The following KNL1 variants were observed in gnomAD, a reference collection of about 807,000 sequenced individuals.
KNL1 encodes the protein kinetochore scaffold 1, also known as outer kinetochore KNL1 complex subunit KNL1.
KNL1 carries 66 observed loss-of-function variants against 201.3 expected under a neutral mutation model. The ratio of observed to expected loss-of-function variants is 0.33; its 90% CI spans 0.27 to 0.40. KNL1 has a LOEUF of 0.40. Among genes scored for constraint, KNL1 ranks in the 10% least tolerant of loss-of-function variants. KNL1 has a pLI of 1.00. For synonymous variants in KNL1, 895 were observed against 899.2 expected, an observed-to-expected ratio of 1.00 and a Z score of 0.08; for missense variants, 2,815 against 2,690.5, an observed-to-expected ratio of 1.05 and a Z score of -1.02.
intron 8 of KNL1, among the ~76,000 whole-genome samples, 188 bp from the exon 9 acceptor site, chr15:40,618,769 AAC>A (rs1257009421): frequency 6.6e-6 from 1 of 152,220 alleles, no homozygotes; most frequent in Non-Finnish European, 1.5e-5. Flanking sequence ...TATCACATGT[AAC>A]ACAAAAATAT....
intron 12 of KNL1, among the ~76,000 whole-genome samples, chr15:40,628,939 A>G (rs1245339329): frequency 6.6e-6 from 1 of 152,124 alleles, no homozygotes; most frequent in African/African-American, 2.4e-5. Flanking sequence ...TGCCTGAGGG[A>G]AGAGAATCAC....
At chr15:40,611,693 G>A (rs541847996) in intron 7 of KNL1, among the ~76,000 whole-genome samples, 182 bp downstream of exon 7, 1 of 151,596 alleles carries the variant, frequency 6.6e-6, no homozygotes, top group South Asian at 2.1e-4. Context: ...TAATAGTGAT[G>A]AAACAATATA....
chr15:40,599,978 C>G (rs1251248565), intron 1 of KNL1, among the ~76,000 whole-genome samples: 1 of 151,302 alleles, frequency 6.6e-6, no homozygotes, highest in Non-Finnish European at 1.5e-5. Flanking sequence ...ATCTGCCCAC[C>G]CAATTTTGCA....
intron 14 of KNL1, among the ~76,000 whole-genome samples, chr15:40,644,297 A>G (rs959413733): frequency 3.9e-5 from 6 of 152,380 alleles, no homozygotes; most frequent in African/African-American, 1.2e-4. Context: ...CTCTCCACTC[A>G]AACATCTCAG....
intron 17 of KNL1, among the ~76,000 whole-genome samples, chr15:40,648,829 CTTTT>C (rs35251316): frequency 8.7e-5 from 9 of 103,278 alleles, no homozygotes; most frequent in Admixed American, 1.9e-4. Context: ...ACTTAACTTT[CTTTT>C]TTTTTTTTTT....
chr15:40,622,666 T>C lies in KNL1; in HGVS notation c.2402T>C (p.Ile801Thr), dbSNP rs1472048043. ...CAGCTAACAACAATGAACAGACAGA[T>C]AGCTGTAAAAGTTGAAAAATGTGGT... ...TGQLTTMNRQ[I>T]AVKVEKCGKS... Residue 801 changes from isoleucine to threonine, a missense_variant, in exon 10 of 26, where the codon ATA (isoleucine) becomes ACA (threonine). Transcript: ENST00000399668. 6.3e-7 allele frequency: 1 copy of C among 1,591,356 alleles called. No individual in the cohort carries two copies. Among genetic ancestry groups the C allele is most frequent in the Non-Finnish European group, 8.5e-7 (1 of 1,171,628 alleles).
chr15:40,644,693 A>G (rs1441454716), intron 14 of KNL1, among the ~76,000 whole-genome samples: 2 of 152,232 alleles, frequency 1.3e-5, no homozygotes, highest in African/African-American at 2.4e-5. Context: ...AATAGCGATG[A>G]CTTTTACCAA....
At chr15:40,657,499 G>A in intron 24 of KNL1, 26 bp downstream of exon 24, 2 of 1,184,120 alleles carry the variant, frequency 1.7e-6, no homozygotes, top group Non-Finnish European at 1.3e-6. Flanking sequence ...CCCAAGGACT[G>A]CCATGACAGA....
rs1595928226 is a variant in KNL1, at chr15:40,624,983, C to T, written c.4719C>T (p.Ala1573=). The T allele has an allele frequency of 6.2e-7, 1 of 1,613,948 alleles. No homozygotes were observed. Among genetic ancestry groups the T allele is most frequent in the Non-Finnish European group, 8.5e-7 (1 of 1,179,958 alleles). Reference sequence around the variant, plus strand: ...ATGGAAAAACTGGAGAGTTTTTAGCCTTTCAAACTGTTCATCTACCACCCC... The same window carrying T: ...ATGGAAAAACTGGAGAGTTTTTAGCTTTTCAAACTGTTCATCTACCACCCC... ...NLNGKTGEFL[A]FQTVHLPPLP... The change falls in exon 10 of 26, where the codon GCC becomes GCT. Residue 1573 remains alanine (A), a synonymous_variant. Transcript: ENST00000399668.
intron 7 of KNL1, among the ~76,000 whole-genome samples, chr15:40,614,616 A>G (rs559110385): frequency 5.3e-5 from 8 of 152,248 alleles, no homozygotes; most frequent in African/African-American, 1.7e-4. Flanking sequence ...TTTTTTTTGT[A>G]TGTCCAAGTG....
At chr15:40,646,218 G>C (rs1048953429) in intron 16 of KNL1, among the ~76,000 whole-genome samples, 7 of 152,106 alleles carry the variant, frequency 4.6e-5, no homozygotes, top group Non-Finnish European at 8.8e-5. Context: ...CAAGCAATAT[G>C]CCCTTTCAGA....
chr15:40,642,118 G>A (rs139379989), intron 14 of KNL1, among the ~76,000 whole-genome samples: 3 of 152,284 alleles, frequency 2.0e-5, no homozygotes, highest in African/African-American at 7.2e-5. Flanking sequence ...ATGTAGTTTT[G>A]GCTGGGCGCA....
rs147028781 is a variant in KNL1 at position 40,606,863 on chromosome 15, G to A, written c.135+411G>A. 1.2e-3 allele frequency among the ~76,000 whole-genome samples: 177 copies of A among 152,214 alleles called. 2 individuals carry two copies. The East Asian group carries it at 0.021, about 18-fold the overall frequency. On this transcript the variant is annotated intron_variant, in intron 4 of 25. Transcript: ENST00000399668. ...CAACCTCCTCCCCCTGGGCTCAAGA[G>A]ATCCTCCCACCTTAGCCTCCTGAGT... is the stretch of plus-strand genomic sequence containing the variant.
chr15:40,657,377 T>C lies in KNL1; in HGVS notation c.6617T>C (p.Val2206Ala). Reference sequence around the variant, plus strand: ...TAGATGCTTGAAGAATTCTCACTGGTAGTGCACCATTGCAGACTCCTTGGA... The same window carrying C: ...TAGATGCTTGAAGAATTCTCACTGGCAGTGCACCATTGCAGACTCCTTGGA... ...LPKMLEEFSL[V>A]VHHCRLLGEE... The change falls in exon 24 of 26, where the codon GTA becomes GCA. Residue 2206 changes from valine (V) to alanine (A), a missense_variant. Around this residue, in one of 3 missense-constraint regions of KNL1, gnomAD observed 334 missense variants for 362.6 expected, o/e 0.92. Transcript: ENST00000399668. The C allele has an allele frequency of 6.2e-7, 1 of 1,605,058 alleles. No homozygotes were observed.
At chr15:40,602,467 GT>G (rs1398153564) in intron 1 of KNL1, among the ~76,000 whole-genome samples, 3 of 124,574 alleles carry the variant, frequency 2.4e-5, no homozygotes, top group African/African-American at 8.8e-5. Flanking sequence ...TCATAATGTA[GT>G]TTTTTTCCTT....
intron 13 of KNL1, 110 bp from the exon 14 acceptor site, chr15:40,640,802 T>A: frequency 1.4e-6 from 1 of 702,900 alleles, no homozygotes; most frequent in East Asian, 2.7e-5. Flanking sequence ...AGTATTCAAA[T>A]TTTTCTTTGT....
rs764805061 is a variant in KNL1, at chr15:40,622,494, A to G, written c.2230A>G (p.Thr744Ala). 1 of 1,614,036 alleles carries G rather than the reference A, an allele frequency of 6.2e-7. No individual in the cohort carries two copies. The highest frequency in any genetic ancestry group is 1.1e-5 in the South Asian group (1 of 91,074). ...ACTGAGGAAAAGTTTAAGCAATCCC[A>G]CACCTGACTATTGCCATGACAAGAT... ...EPLRKSLSNP[T>A]PDYCHDKMII... The change falls in exon 10 of 26, where the codon ACA becomes GCA. Residue 744 changes from threonine (T) to alanine (A), a missense_variant. Physicochemically the swap from Thr to Ala is moderately conservative, Grantham distance 58. This residue lies in a region of KNL1 where 2,464 missense variants were observed against 2,291.7 expected (regional missense o/e 1.08). Transcript: ENST00000399668.
chr15:40,596,543 T>G (rs527857244), intron 1 of KNL1, among the ~76,000 whole-genome samples: 1 of 151,834 alleles, frequency 6.6e-6, no homozygotes, highest in Non-Finnish European at 1.5e-5. Context: ...CCCAAAGTCC[T>G]GGGATTACAG....
intron 3 of KNL1, among the ~76,000 whole-genome samples, chr15:40,605,605 C>A (rs186370951): frequency 6.6e-6 from 1 of 152,102 alleles, no homozygotes; most frequent in Non-Finnish European, 1.5e-5. Flanking sequence ...GCATGTACCA[C>A]GTGTGGCTAA....
Sources: allele counts gnomAD v4.1 joint callset (sites outside exome capture counted in the v4.1 genomes callset), GRCh38; gene constraint gnomAD v4.1.1; regional missense constraint gnomAD v4.1.1; transcripts MANE v1.5; gene names NCBI Gene and HGNC (gene_info 2026-07-23, HGNC 2026-07-21).